The following EYS variants were observed in gnomAD, a reference collection of about 807,000 sequenced individuals.
EYS encodes EGF-like photoreceptor maintenance factor.
EYS carries 250 observed loss-of-function variants against 282.1 expected under a neutral mutation model. The ratio of observed to expected loss-of-function variants is 0.89; its 90% confidence interval spans 0.80 to 0.98. The LOEUF is 0.98. Among genes scored for constraint, EYS ranks in the 50% least tolerant of loss-of-function variants. EYS has a pLI of 0.00. For missense variants in EYS, 4,016 were observed against 3,709.0 expected, an observed-to-expected ratio of 1.08 and a Z score of -2.15; for synonymous variants, 1,355 against 1,282.9, an observed-to-expected ratio of 1.06 and a Z score of -1.20.
At chr6:64,657,290 G>C (rs1267051388) in intron 22 of EYS, among the ~76,000 whole-genome samples, 1 of 152,044 alleles carries the variant, frequency 6.6e-6, no homozygotes, top group Non-Finnish European at 1.5e-5. Flanking sequence ...CACACTGATG[G>C]GTCTTGACTT....
Position 64,998,956 on chromosome 6 carries a change from C to A in EYS, c.2138-1253G>T. 2.6e-5 allele frequency among the ~76,000 whole-genome samples: 4 copies of A among 152,182 alleles called. No homozygotes were observed. In the Middle Eastern group the frequency reaches 0.014, roughly 518 times the overall value. Reference sequence around the variant, plus strand: ...AAATTAACTTTCAGCATTGATGTTACGTGTTCTATGAAGACAAATTATAAA... The same window carrying A: ...AAATTAACTTTCAGCATTGATGTTAAGTGTTCTATGAAGACAAATTATAAA... On this transcript the variant is annotated intron_variant, in intron 13 of 42. Transcript: ENST00000503581.
intron 13 of EYS, among the ~76,000 whole-genome samples, chr6:65,013,094 T>C (rs1208146431): frequency 1.3e-5 from 2 of 152,186 alleles, no homozygotes; most frequent in Non-Finnish European, 2.9e-5. Context: ...ATGAATTGTC[T>C]TTAATGAAAA....
At chr6:64,616,639 G>T (rs2149848758) in intron 24 of EYS, among the ~76,000 whole-genome samples, 1 of 152,180 alleles carries the variant, frequency 6.6e-6, no homozygotes, top group African/African-American at 2.4e-5. Flanking sequence ...CTGAGAAGGA[G>T]TTTCTAGCTC....
chr6:64,796,617 A>C (rs1774362006), intron 22 of EYS, among the ~76,000 whole-genome samples: 1 of 152,152 alleles, frequency 6.6e-6, no homozygotes, highest in Non-Finnish European at 1.5e-5. Context: ...TACAGGGAGA[A>C]ATATCAGACC....
Position 64,677,593 on chromosome 6 carries a change from A to G in EYS, c.3444-51348T>C, listed in dbSNP as rs549685466. 7.2e-5 allele frequency among the ~76,000 whole-genome samples: 11 copies of G among 152,266 alleles called. 2 individuals are homozygous for G. The highest frequency in any genetic ancestry group is 2.6e-4 in the African/African-American group (11 of 41,560). The stretch of plus-strand genomic sequence containing the variant: ...GATGACCTCCATATCACTTTATTTT[A>G]TAGTTTGGTAATTTTCTTTGCAATT... On this transcript the variant is annotated intron_variant, in intron 22 of 42. Transcript: ENST00000503581.
At chr6:64,160,370 A>G (rs1252285461) in intron 31 of EYS, among the ~76,000 whole-genome samples, 2 of 152,190 alleles carry the variant, frequency 1.3e-5, no homozygotes, top group Admixed American at 6.5e-5. Flanking sequence ...TACTGAGTGT[A>G]TCATTTTTTT....
At position 63,957,537 on chromosome 6, in the gene EYS, C is replaced by T. The variant is rs1197115976; in HGVS notation, c.7055+26846G>A. ...GTATTCTTCTATTAAATAATAAAAGCTCAATAACTGTTTGTTGACAGAATG... is the reference window on the plus strand; with the variant it reads ...GTATTCTTCTATTAAATAATAAAAGTTCAATAACTGTTTGTTGACAGAATG... On this transcript the variant is annotated intron_variant, in intron 35 of 42. Transcript: ENST00000503581. 9.2e-5 allele frequency among the ~76,000 whole-genome samples: 13 copies of T among 141,164 alleles called. 3 individuals are homozygous for T. The highest frequency in any genetic ancestry group is 1.8e-4 in the Non-Finnish European group (11 of 62,110). 92.6% of individuals were successfully genotyped at this position (141,164 alleles called of 152,430 possible).
intron 34 of EYS, among the ~76,000 whole-genome samples, chr6:63,993,879 C>A (rs1429441439): frequency 6.6e-6 from 1 of 151,854 alleles, no homozygotes; most frequent in East Asian, 1.9e-4. Context: ...GAGGTTCCCA[C>A]TTCCTGACTT....
intron 31 of EYS, among the ~76,000 whole-genome samples, chr6:64,148,483 TC>T (rs778868493): frequency 1.9e-4 from 29 of 152,226 alleles, no homozygotes; most frequent in Non-Finnish European, 2.2e-4. Flanking sequence ...AGCAGCCCAG[TC>T]CCCTATGATG....
intron 26 of EYS, among the ~76,000 whole-genome samples, chr6:64,490,929 A>G (rs1264433177): frequency 6.6e-6 from 1 of 150,756 alleles, no homozygotes; most frequent in Non-Finnish European, 1.5e-5. Flanking sequence ...AAGAGAGGAA[A>G]CCTTTAAATA....
intron 22 of EYS, among the ~76,000 whole-genome samples, chr6:64,726,031 C>A (rs900526576): frequency 3.9e-5 from 6 of 152,028 alleles, no homozygotes; most frequent in Admixed American, 2.0e-4. Flanking sequence ...TTCAAAAATA[C>A]CCCTATTCTT....
intron 22 of EYS, among the ~76,000 whole-genome samples, chr6:64,757,077 C>A (rs1772964081): frequency 6.6e-6 from 1 of 152,156 alleles, no homozygotes; most frequent in South Asian, 2.1e-4. Context: ...CTTAGGGTGA[C>A]ATTGAAGGTG....
chr6:64,525,443 G>T (rs1001133336), intron 26 of EYS, among the ~76,000 whole-genome samples: 1 of 151,678 alleles, frequency 6.6e-6, no homozygotes, highest in East Asian at 1.9e-4. Flanking sequence ...AATACCACAT[G>T]TTCTCACTTA....
intron 1 of EYS, among the ~76,000 whole-genome samples, chr6:65,657,387 AC>A (rs1259359501): frequency 2.0e-5 from 3 of 151,906 alleles, no homozygotes; most frequent in Non-Finnish European, 4.4e-5. Flanking sequence ...TCCATTAAGA[AC>A]ATTAGTGTTT....
intron 31 of EYS, among the ~76,000 whole-genome samples, chr6:64,106,629 T>TGC (rs1487587166): frequency 2.6e-5 from 4 of 151,030 alleles, no homozygotes; most frequent in Non-Finnish European, 4.4e-5. Flanking sequence ...GCTGGTTTTG[T>TGC]GTGTGTGTGT....
intron 36 of EYS, among the ~76,000 whole-genome samples, chr6:63,830,642 T>C (rs933314664): frequency 1.3e-5 from 2 of 152,152 alleles, no homozygotes; most frequent in African/African-American, 4.8e-5. Context: ...AAAACACTCT[T>C]CAGGATATTA....
intron 12 of EYS, among the ~76,000 whole-genome samples, chr6:65,266,303 AT>A (rs1465008953): frequency 5.3e-5 from 8 of 151,892 alleles, no homozygotes; most frequent in African/African-American, 1.9e-4. Context: ...TGGTTAGAGA[AT>A]GATAATATTG....
intron 36 of EYS, chr6:63,807,033 G>C (rs1770924945): frequency 6.6e-6 from 1 of 151,640 alleles, no homozygotes; most frequent in Admixed American, 6.6e-5. Flanking sequence ...ACAGGAAATG[G>C]TAAAATTAGA....
intron 2 of EYS, among the ~76,000 whole-genome samples, chr6:65,597,804 T>C (rs1765460881): frequency 1.3e-5 from 2 of 152,034 alleles, no homozygotes; most frequent in Non-Finnish European, 2.9e-5. Context: ...GAAATAATCA[T>C]AGACTGGCAA....
Sources: gnomAD v4.1 joint callset for allele counts (sites outside exome capture counted in the v4.1 genomes callset) on GRCh38, gnomAD v4.1.1 for gene constraint, MANE v1.5 for transcripts, NCBI Gene and HGNC (gene_info 2026-07-23, HGNC 2026-07-21) for gene names.